SLC12A7: variants seen among roughly 807,000 people sequenced by gnomAD.
SLC12A7 encodes solute carrier family 12 member 7.
SLC12A7 carries 100 observed loss-of-function variants against 120.6 expected under a neutral mutation model. The observed-to-expected ratio is 0.83, with a 90% CI of 0.71 to 0.98. SLC12A7 has a LOEUF of 0.98. Ranked by LOEUF, SLC12A7 falls within the 50% of genes least tolerant of loss-of-function variation. The pLI, the probability that SLC12A7 is intolerant of heterozygous loss-of-function variation, is 0.00. For missense variants in SLC12A7, 1,373 were observed against 1,548.1 expected, an observed-to-expected ratio of 0.89 and a Z score of 1.90; for synonymous variants, 760 against 678.0, an observed-to-expected ratio of 1.12 and a Z score of -1.88.
At chr5:1,143,212 G>C in the SLC12A7 span, among the ~76,000 whole-genome samples, 1 of 152,228 alleles carries the variant, frequency 6.6e-6, no homozygotes, top group African/African-American at 2.4e-5. Context: ...GCCACCTCCC[G>C]CAGCGCTGGT....
rs1223687349 is a variant in SLC12A7, at chr5:1,086,868, G to A, written c.675+35C>T. 5.6e-6 allele frequency: 9 copies of A among 1,606,702 alleles called. No individual in the cohort carries two copies. In the East Asian group the frequency reaches 1.1e-4, roughly 20 times the overall value. Reference sequence around the variant, plus strand: ...GCCCCTTGGCATCCTGCCACAGACTGTGGGGTGGGAACCCTTCCAAAGCAG... The same window carrying A: ...GCCCCTTGGCATCCTGCCACAGACTATGGGGTGGGAACCCTTCCAAAGCAG... On this transcript the variant is annotated intron_variant, in intron 6 of 23. Transcript: ENST00000264930.
Position 1,077,954 on chromosome 5 carries a change from G to T in SLC12A7, c.1508C>A (p.Ser503Tyr), listed in dbSNP as rs568355286. 3 of 1,600,298 alleles carry T rather than the reference G, an allele frequency of 1.9e-6. No individual in the cohort carries two copies. The highest frequency in any genetic ancestry group is 2.3e-5 in the East Asian group (1 of 44,120). The change falls in exon 12 of 24, where the codon TCC (serine) becomes TAC (tyrosine). Residue 503 changes from serine to tyrosine, a missense_variant. Transcript: ENST00000264930. ...GGAGCCGATGACGATGACCCAGGGG[G>T]AGGGCCAGGCCAGCATGCCGATGAC... ...NLVIGMLAWP[S>Y]PWVIVIGSFF...
intron 1 of SLC12A7, among the ~76,000 whole-genome samples, chr5:1,111,625 C>G (rs1442800201): frequency 6.6e-6 from 1 of 152,198 alleles, no homozygotes; most frequent in Non-Finnish European, 1.5e-5. Context: ...GCGTCCACAC[C>G]TCTGCCCCCG....
intron 5 of SLC12A7, 103 bp downstream of exon 5, chr5:1,088,203 C>T: frequency 5.0e-6 from 6 of 1,188,308 alleles, no homozygotes; most frequent in Non-Finnish European, 7.2e-6. Flanking sequence ...CCCCAGGCAG[C>T]CCCCGGCCCG....
At chr5:1,058,630 G>A (rs1039564278) in intron 21 of SLC12A7, among the ~76,000 whole-genome samples, 4 of 152,234 alleles carry the variant, frequency 2.6e-5, no homozygotes, top group Admixed American at 1.3e-4. Flanking sequence ...CTTGGATGTC[G>A]GTCCTTCCCG....
Position 1,064,242 on chromosome 5 carries a change from G to T in SLC12A7, c.2448C>A (p.Arg816=). The T allele has an allele frequency of 6.2e-7, 1 of 1,610,216 alleles. No homozygotes were observed. The highest frequency in any genetic ancestry group is 8.5e-7 in the Non-Finnish European group (1 of 1,178,702). The change falls in exon 19 of 24, where the codon CGC becomes CGA. Residue 816 remains arginine (R), a synonymous_variant. Coordinates refer to ENST00000264930, the MANE Select transcript of SLC12A7 (RefSeq NM_006598.3). ...FSWKNFVDTV[R]DTTAAHQALL... ...GAGCCTGGTGCGCGGCGGTGGTGTC[G>T]CGGACGGTGTCTGCGGAGAGAGGCG...
chr5:1,150,201 C>T, the SLC12A7 span, among the ~76,000 whole-genome samples: 2 of 152,188 alleles, frequency 1.3e-5, no homozygotes, highest in East Asian at 1.9e-4. Context: ...TCTCCCATCC[C>T]GGGAGCTGTT....
At chr5:1,113,906 G>C (rs1299559661), upstream of SLC12A7, among the ~76,000 whole-genome samples, 2 of 152,210 alleles carry the variant, frequency 1.3e-5, no homozygotes, top group Non-Finnish European at 2.9e-5. Context: ...ACAGAGCTCA[G>C]GGTGGGCACG....
At chr5:1,113,406 A>G (rs1400885659), upstream of SLC12A7, among the ~76,000 whole-genome samples, 1 of 152,154 alleles carries the variant, frequency 6.6e-6, no homozygotes, top group Non-Finnish European at 1.5e-5. Context: ...CTCTCCAGCC[A>G]TTTCCAGTAA....
chr5:1,088,947 G>C, intron 4 of SLC12A7, 35 bp downstream of exon 4: 1 of 1,611,654 alleles, frequency 6.2e-7, no homozygotes, highest in Non-Finnish European at 8.5e-7. Flanking sequence ...GCCACCGCCC[G>C]AAGGCACAGC....
the SLC12A7 span, among the ~76,000 whole-genome samples, chr5:1,141,683 C>T: frequency 2.0e-5 from 3 of 152,192 alleles, no homozygotes; most frequent in Non-Finnish European, 4.4e-5. Context: ...TCCAGGTCCT[C>T]AGCCACAGCA....
At chr5:1,122,822 A>G in the SLC12A7 span, among the ~76,000 whole-genome samples, 1 of 152,236 alleles carries the variant, frequency 6.6e-6, no homozygotes, top group Non-Finnish European at 1.5e-5. Flanking sequence ...TCATGTGCTG[A>G]TGGACACGAG....
intron 6 of SLC12A7, among the ~76,000 whole-genome samples, chr5:1,086,387 G>C (rs1055575736): frequency 3.9e-5 from 6 of 152,164 alleles, no homozygotes; most frequent in Non-Finnish European, 7.4e-5. Flanking sequence ...TCCCCACGAG[G>C]ACCAAGGAAC....
chr5:1,052,314 C>G lies in SLC12A7; in HGVS notation c.*46G>C, dbSNP rs773734659. 6.5e-7 allele frequency: 1 copy of G among 1,526,728 alleles called. No individual in the cohort carries two copies. The highest frequency in any genetic ancestry group is 9.1e-7 in the Non-Finnish European group (1 of 1,102,134). The allele number at this position is 1,526,728 out of a possible 1,614,324, so 94.6% of individuals were successfully genotyped here. ...GCCAAGCCCAGGCCCAGGCTGCCCA[C>G]GCCGTCCTCCGTGCCTGTCCCAGAG... On this transcript the variant is annotated 3_prime_UTR_variant, in exon 24 of 24. Coordinates refer to ENST00000264930, the MANE Select transcript of SLC12A7 (RefSeq NM_006598.3).
At position 1,081,587 on chromosome 5, in the gene SLC12A7, A is replaced by G. The variant is rs6865765; in HGVS notation, c.1287T>C (p.Pro429=). ...GAGCAGCGGGCTCACCGGTCACGGA[A>G]GGGAAGTAGATGCCAACCAGCAGGG... ...SFTLLVGIYF[P]SVTGIMAGSN... Residue 429 remains proline (P), a synonymous_variant, in exon 9 of 24, where the codon CCT becomes CCC. Transcript: ENST00000264930. The G allele has an allele frequency of 0.48, 762,977 of 1,600,624 alleles. 183,809 individuals carry two copies. Among genetic ancestry groups the G allele is most frequent in the African/African-American group, 0.49 (36,697 of 74,806 alleles).
chr5:1,145,638 C>A, the SLC12A7 span, among the ~76,000 whole-genome samples: 1 of 152,074 alleles, frequency 6.6e-6, no homozygotes, highest in Non-Finnish European at 1.5e-5. This position sits in a 1 kb window ranked among gnomAD's most constrained non-coding sequence, Gnocchi z 4.4. Flanking sequence ...TGAAAGAGCA[C>A]CTTGCAGAGA....
chr5:1,111,654 G>A (rs1002551847), intron 1 of SLC12A7, among the ~76,000 whole-genome samples: 2 of 152,164 alleles, frequency 1.3e-5, no homozygotes, highest in Admixed American at 6.5e-5. Flanking sequence ...CGAGCTGACC[G>A]TACCGGGAGC....
At chr5:1,106,436 G>C (rs1742533414) in intron 1 of SLC12A7, among the ~76,000 whole-genome samples, 1 of 121,752 alleles carries the variant, frequency 8.2e-6, no homozygotes, top group South Asian at 2.7e-4. Context: ...CTGGGTGACA[G>C]AGTGAACTCT....
chr5:1,058,271 C>T (rs1226904104), intron 21 of SLC12A7, among the ~76,000 whole-genome samples: 3 of 152,262 alleles, frequency 2.0e-5, no homozygotes, highest in Non-Finnish European at 2.9e-5. Context: ...GCGCCCTCAC[C>T]GCGAGATCGC....
Sources: allele counts gnomAD v4.1 joint callset (sites outside exome capture counted in the v4.1 genomes callset), GRCh38; gene constraint gnomAD v4.1.1; non-coding constraint Gnocchi (gnomAD v3.1); transcripts MANE v1.5; gene names NCBI Gene and HGNC (gene_info 2026-07-23, HGNC 2026-07-21).